REC8: variants seen among roughly 807,000 people sequenced by gnomAD.
The protein encoded by REC8 is meiotic recombination protein REC8 homolog.
Under a neutral mutation model 78.3 loss-of-function variants are expected in REC8, and 42 were observed. That is an observed-to-expected ratio of 0.54 (90% CI 0.42 to 0.69). The LOEUF is 0.69. Ranked by LOEUF, REC8 falls within the 30% of genes least tolerant of loss-of-function variation. The probability of loss-of-function intolerance (pLI) is 0.00; values close to 1 mark genes in which losing one functional copy is unlikely to be tolerated. For synonymous variants in REC8, 268 were observed against 274.1 expected (o/e 0.98, Z 0.22); for missense variants, 581 against 715.8 (o/e 0.81, Z 2.15).
chr14:24,180,689 CT>C, downstream of REC8: 1 of 1,614,160 alleles, frequency 6.2e-7, no homozygotes, highest in Non-Finnish European at 8.5e-7. Context: ...CTACCCTCAC[CT>C]GGTGGGATCT....
intron 10 of REC8, 82 bp from the exon 11 acceptor site, chr14:24,177,627 G>A: frequency 6.3e-7 from 1 of 1,578,032 alleles, no homozygotes; most frequent in South Asian, 1.1e-5. Flanking sequence ...ACTTGCTAAA[G>A]GGAGGACCCT....
intron 12 of REC8, 111 bp downstream of exon 12, chr14:24,178,333 C>A: frequency 9.8e-7 from 1 of 1,022,394 alleles, no homozygotes; most frequent in Non-Finnish European, 1.5e-6. Flanking sequence ...GGATTGGGAA[C>A]TTGATGAAAA....
At chr14:24,176,680 C>A in intron 6 of REC8, 142 bp from the exon 7 acceptor site, 1 of 678,376 alleles carries the variant, frequency 1.5e-6, no homozygotes. Context: ...GCAGTGTACC[C>A]AGGGTCAGGA....
At chr14:24,177,414 G>A in intron 9 of REC8, 31 bp downstream of exon 9, 1 of 1,614,122 alleles carries the variant, frequency 6.2e-7, no homozygotes, top group South Asian at 1.1e-5. Context: ...ACCAGGTAGG[G>A]TGTCAGTGCT....
At chr14:24,174,254 G>A (rs1157260337) in intron 5 of REC8, among the ~76,000 whole-genome samples, 1 of 151,526 alleles carries the variant, frequency 6.6e-6, no homozygotes, top group Non-Finnish European at 1.5e-5. Flanking sequence ...AAAGTGCTAG[G>A]ATTACAGACG....
At position 24,177,121 on chromosome 14, in the gene REC8, T is replaced by A. The variant is rs1378076447; in HGVS notation, c.625-20T>A. ...GAAATATTATTGAATCCCCTCCCCT[T>A]GCTCTTCCTCTCTGGACAGGGTGAA... On this transcript the variant is annotated intron_variant, in intron 7 of 18. Transcript: ENST00000611366. 6.2e-7 allele frequency: 1 copy of A among 1,610,922 alleles called. No homozygotes were observed. The highest frequency in any genetic ancestry group is 2.2e-5 in the East Asian group (1 of 44,852).
At chr14:24,175,166 C>A (rs1420885890) in intron 5 of REC8, among the ~76,000 whole-genome samples, 1 of 151,788 alleles carries the variant, frequency 6.6e-6, no homozygotes, top group Non-Finnish European at 1.5e-5. Flanking sequence ...CTACCAAGCC[C>A]GGCTAATTTT....
At chr14:24,173,451 G>A in intron 5 of REC8, 40 bp downstream of exon 5, 1 of 1,610,724 alleles carries the variant, frequency 6.2e-7, no homozygotes, top group Non-Finnish European at 8.5e-7. Context: ...TGGCAATGCA[G>A]AAGGGGAGTG....
At chr14:24,177,117 C>A in intron 7 of REC8, 24 bp from the exon 8 acceptor site, 1 of 1,607,412 alleles carries the variant, frequency 6.2e-7, no homozygotes, top group South Asian at 1.1e-5. Flanking sequence ...GAATCCCCTC[C>A]CCTTGCTCTT....
Position 24,179,814 on chromosome 14 carries a change from A to C in REC8, c.1466A>C (p.Glu489Ala). 6.2e-7 allele frequency: 1 copy of C among 1,613,092 alleles called. No homozygotes were observed. The highest frequency in any genetic ancestry group is 8.5e-7 in the Non-Finnish European group (1 of 1,179,416). ...LEAVHRAVAL[E>A]LQANREPDFS... ...GATCCCTATAGGGCAGTGGCACTGGAGCTGCAGGCTAACAGGGAGCCCGAC... is the reference window on the plus strand; with the variant it reads ...GATCCCTATAGGGCAGTGGCACTGGCGCTGCAGGCTAACAGGGAGCCCGAC... The change falls in exon 18 of 19, where the codon GAG (glutamate) becomes GCG (alanine). Residue 489 changes from glutamate to alanine, a missense_variant. Transcript: ENST00000611366.
chr14:24,177,813 G>C (rs2038969219), intron 11 of REC8, 55 bp downstream of exon 11: 4 of 1,509,684 alleles, frequency 2.6e-6, no homozygotes, highest in Non-Finnish European at 2.7e-6. Context: ...TCCCCCACAA[G>C]GACTGCCTCC....
intron 6 of REC8, among the ~76,000 whole-genome samples, chr14:24,176,257 A>G (rs2038892895): frequency 6.7e-6 from 1 of 150,068 alleles, no homozygotes; most frequent in South Asian, 2.1e-4. Context: ...GGTTTTTGCC[A>G]TGTTGGCCAG....
At chr14:24,180,810 A>T, downstream of REC8, 1 of 1,554,484 alleles carries the variant, frequency 6.4e-7, no homozygotes, top group Admixed American at 1.7e-5. Flanking sequence ...CCCCAGGTCT[A>T]GGAGGGTGGT....
intron 2 of REC8, 41 bp downstream of exon 2, chr14:24,172,822 T>C (rs767283219): frequency 6.2e-7 from 1 of 1,613,168 alleles, no homozygotes; most frequent in African/African-American, 1.3e-5. Context: ...GTGCGGGGGG[T>C]GAGTTAGGGG....
chr14:24,178,187 GAAC>G lies in REC8; in HGVS notation c.965_967del (p.Gln322del). On this transcript the variant is annotated inframe_deletion, in exon 12 of 19. Coordinates refer to ENST00000611366, the MANE Select transcript of REC8 (RefSeq NM_001048205.2). The stretch of plus-strand genomic sequence containing the variant: ...TCAGATCTCCCCGGAGAAATTCCAG[GAAC>G]AACTGCAAACCAGAGCCCACTGCTG... 1.2e-6 allele frequency: 2 copies of G among 1,614,032 alleles called. No individual in the cohort carries two copies.
chr14:24,180,528 G>C (rs2039115396), downstream of REC8: 2 of 1,614,066 alleles, frequency 1.2e-6, no homozygotes, highest in East Asian at 2.2e-5. Context: ...TCGGTGTGCT[G>C]TTTGGCCAGG....
At chr14:24,176,400 G>GT (rs1231480895) in intron 6 of REC8, among the ~76,000 whole-genome samples, 2 of 149,624 alleles carry the variant, frequency 1.3e-5, no homozygotes, top group African/African-American at 5.0e-5. Flanking sequence ...GAGTGCAGTG[G>GT]TATGATGATC....
rs2038975703 is a variant in REC8 at position 24,177,965 on chromosome 14, G to A, written c.865-126G>A. The A allele has an allele frequency of 3.3e-6, 5 of 1,515,478 alleles. No homozygotes were observed. In the South Asian group the frequency reaches 4.0e-5, roughly 12 times the overall value. The allele number at this position is 1,515,478 out of a possible 1,614,324, so 93.9% of individuals were successfully genotyped here. ...GGTATGAGCTGCTCAAGTGCATGGAGACCCCGCACAAGCCCTCTCCAGGTT... is the reference window on the plus strand; with the variant it reads ...GGTATGAGCTGCTCAAGTGCATGGAAACCCCGCACAAGCCCTCTCCAGGTT... On this transcript the variant is annotated intron_variant, in intron 11 of 18. Transcript: ENST00000611366.
chr14:24,177,071 CTCCTGGATCCACTT>C, intron 7 of REC8, 56 bp from the exon 8 acceptor site: 1 of 1,482,256 alleles, frequency 6.7e-7, no homozygotes, highest in Non-Finnish European at 9.4e-7. Context: ...GGGATCCACT[CTCCTGGATCCACTT>C]GCCTTTTTCA....
Sources: gnomAD v4.1 joint callset for allele counts (sites outside exome capture counted in the v4.1 genomes callset) on GRCh38, gnomAD v4.1.1 for gene constraint, MANE v1.5 for transcripts, NCBI Gene and HGNC (gene_info 2026-07-23, HGNC 2026-07-21) for gene names.